Variants in CPQ observed in about 807,000 individuals in gnomAD.
CPQ encodes the protein carboxypeptidase Q.
In CPQ, 37 loss-of-function variants were observed where a neutral mutation model predicts 45.7. The ratio of observed to expected loss-of-function variants is 0.81; its 90% CI spans 0.62 to 1.07. The LOEUF (loss-of-function observed/expected upper bound fraction) is 1.07, where lower values mean the gene tolerates loss of function less well. Among genes scored for constraint, CPQ ranks in the 50% least tolerant of loss-of-function variants. CPQ has a pLI of 0.00. For missense variants in CPQ, 537 were observed against 572.9 expected, an observed-to-expected ratio of 0.94 and a Z score of 0.64; for synonymous variants, 186 against 205.8, an observed-to-expected ratio of 0.90 and a Z score of 0.82.
At chr8:96,895,813 A>G (rs1184736440) in intron 4 of CPQ, among the ~76,000 whole-genome samples, 4 of 152,166 alleles carry the variant, frequency 2.6e-5, no homozygotes, top group Non-Finnish European at 5.9e-5. Context: ...TTGATTCTTA[A>G]TTTAAGGTTA....
At chr8:96,972,917 A>G (rs1241724064) in intron 5 of CPQ, among the ~76,000 whole-genome samples, 3 of 152,276 alleles carry the variant, frequency 2.0e-5, no homozygotes, top group Admixed American at 1.3e-4. Flanking sequence ...CCTCTGACCT[A>G]GTCTACCCAA....
chr8:96,803,189 T>C (rs1422927276), intron 2 of CPQ, among the ~76,000 whole-genome samples: 1 of 152,184 alleles, frequency 6.6e-6, no homozygotes, highest in Non-Finnish European at 1.5e-5. Context: ...CAGGACAAGA[T>C]TGATGTCCCA....
intron 3 of CPQ, among the ~76,000 whole-genome samples, chr8:96,859,961 T>C (rs1811904981): frequency 6.6e-6 from 1 of 152,166 alleles, no homozygotes; most frequent in African/African-American, 2.4e-5. Flanking sequence ...GATTACCAAA[T>C]TGTTCTCCAA....
chr8:96,851,737 G>A (rs1036158303), intron 3 of CPQ, among the ~76,000 whole-genome samples: 4 of 152,102 alleles, frequency 2.6e-5, no homozygotes, highest in African/African-American at 9.7e-5. Context: ...TAAAGAAAAC[G>A]AAAGGGGGAA....
At chr8:96,796,312 C>T (rs567558995) in intron 2 of CPQ, among the ~76,000 whole-genome samples, 39 of 152,116 alleles carry the variant, frequency 2.6e-4, no homozygotes, top group African/African-American at 9.2e-4. Flanking sequence ...ATTATTTGAG[C>T]ATATCTCTTG....
At chr8:96,960,386 C>T (rs898037308) in intron 4 of CPQ, among the ~76,000 whole-genome samples, 6 of 152,126 alleles carry the variant, frequency 3.9e-5, no homozygotes, top group Non-Finnish European at 8.8e-5. Flanking sequence ...TGAAATAGAA[C>T]AAGATCAATC....
intron 1 of CPQ, among the ~76,000 whole-genome samples, chr8:96,720,227 A>G (rs1809744612): frequency 6.6e-6 from 1 of 152,204 alleles, no homozygotes; most frequent in Non-Finnish European, 1.5e-5. Flanking sequence ...GTCTTCTGTA[A>G]ATCCAACACT....
At chr8:96,927,235 A>C (rs1394483108) in intron 4 of CPQ, among the ~76,000 whole-genome samples, 1 of 152,174 alleles carries the variant, frequency 6.6e-6, no homozygotes, top group Non-Finnish European at 1.5e-5. Context: ...AGCCCTGAGG[A>C]AGCAAGAATG....
At chr8:96,870,345 G>A (rs1298379274) in intron 3 of CPQ, among the ~76,000 whole-genome samples, 1 of 151,892 alleles carries the variant, frequency 6.6e-6, no homozygotes, top group African/African-American at 2.4e-5. Flanking sequence ...TGATTATATT[G>A]GCACCTATCT....
chr8:96,836,495 A>G (rs1442775752), intron 3 of CPQ, among the ~76,000 whole-genome samples: 1 of 152,182 alleles, frequency 6.6e-6, no homozygotes, highest in African/African-American at 2.4e-5. Flanking sequence ...AGAGGTTTCA[A>G]GACTAGTGAA....
intron 1 of CPQ, among the ~76,000 whole-genome samples, chr8:96,672,026 C>T (rs1809009917): frequency 6.6e-6 from 1 of 152,034 alleles, no homozygotes; most frequent in African/African-American, 2.4e-5. Context: ...AAGTATTTCT[C>T]CTTTGATAGA....
chr8:96,658,914 A>G (rs1254313102), intron 1 of CPQ, among the ~76,000 whole-genome samples: 1 of 152,268 alleles, frequency 6.6e-6, no homozygotes, highest in Non-Finnish European at 1.5e-5. Context: ...TACGTGATGC[A>G]TACAGTGTCA....
At chr8:96,946,302 AT>A (rs1178567472) in intron 4 of CPQ, among the ~76,000 whole-genome samples, 9 of 152,202 alleles carry the variant, frequency 5.9e-5, no homozygotes, top group Admixed American at 3.9e-4. Context: ...AATTACAAAA[AT>A]AATTCTAGAA....
intron 2 of CPQ, among the ~76,000 whole-genome samples, chr8:96,792,764 T>C (rs1323209813): frequency 2.6e-5 from 4 of 152,172 alleles, no homozygotes; most frequent in Non-Finnish European, 5.9e-5. Flanking sequence ...TGTACTAAAA[T>C]AAGGCCTTCT....
intron 7 of CPQ, among the ~76,000 whole-genome samples, chr8:97,138,481 G>A (rs1812101124): frequency 1.3e-5 from 2 of 152,184 alleles, no homozygotes; most frequent in Non-Finnish European, 1.5e-5. Flanking sequence ...GGAGGTAGGG[G>A]ATTTGAAGAG....
intron 1 of CPQ, among the ~76,000 whole-genome samples, chr8:96,684,131 A>G (rs1273367470): frequency 1.3e-5 from 2 of 152,128 alleles, no homozygotes; most frequent in Non-Finnish European, 2.9e-5. Flanking sequence ...TTGTATCCTT[A>G]CATTGATTTC....
chr8:96,785,342 C>G lies in CPQ; in HGVS notation c.433+12C>G, dbSNP rs1314409538. On this transcript the variant is annotated intron_variant, in intron 2 of 7. Coordinates refer to ENST00000220763, the MANE Select transcript of CPQ (RefSeq NM_016134.4). ...GACTCCTCCAGAAGGTATTGTTTGTCTTTTCAGTTTGATTTGTATTTTATA... is the reference window on the plus strand; with the variant it reads ...GACTCCTCCAGAAGGTATTGTTTGTGTTTTCAGTTTGATTTGTATTTTATA... 6 of 1,565,370 alleles carry G rather than the reference C, an allele frequency of 3.8e-6. No homozygotes were observed. Among genetic ancestry groups the G allele is most frequent in the Non-Finnish European group, 5.2e-6 (6 of 1,155,204 alleles).
chr8:97,035,295 T>C (rs1441017561), intron 6 of CPQ, among the ~76,000 whole-genome samples: 1 of 152,170 alleles, frequency 6.6e-6, no homozygotes, highest in African/African-American at 2.4e-5. Flanking sequence ...GACATGTGAG[T>C]TGTTTCCAGT....
chr8:97,075,701 A>ATTAGGAAATGTAGAATTTATTTTGACTTG (rs1810835339), intron 7 of CPQ, among the ~76,000 whole-genome samples: 1 of 152,182 alleles, frequency 6.6e-6, no homozygotes, highest in Non-Finnish European at 1.5e-5. Flanking sequence ...GCTTTAAATA[A>ATTAGGAAATGTAGAATTTATTTTGACTTG]TTAGGAAATG....
Sources: gnomAD v4.1 joint callset for allele counts (sites outside exome capture counted in the v4.1 genomes callset) on GRCh38, gnomAD v4.1.1 for gene constraint, MANE v1.5 for transcripts, NCBI Gene and HGNC (gene_info 2026-07-23, HGNC 2026-07-21) for gene names.